CNTNAP3B: variants seen among roughly 807,000 people sequenced by gnomAD.
CNTNAP3B encodes contactin associated protein family member 3B.
In CNTNAP3B, 25 loss-of-function variants were observed where a neutral mutation model predicts 108.9. The observed-to-expected ratio is 0.23, with a 90% CI of 0.17 to 0.32. The LOEUF is 0.32. Ranked by LOEUF, CNTNAP3B falls within the 10% of genes least tolerant of loss-of-function variation. The pLI, the probability that CNTNAP3B is intolerant of heterozygous loss-of-function variation, is 1.00. For synonymous variants in CNTNAP3B, 103 were observed against 473.4 expected (o/e 0.22, Z 10.16); for missense variants, 252 against 1,210.4 (o/e 0.21, Z 11.75).
chr9:42,012,800 TTTTG>T lies in CNTNAP3B; in HGVS notation c.538+574_538+577del, dbSNP rs1826153505. ...CCACCAAATAATCTCACGGCCGGCTTTTTGTTTGTGTTATATTCATGTCGGCCCC... is the reference window on the plus strand; with the variant it reads ...CCACCAAATAATCTCACGGCCGGCTTTTTGTGTTATATTCATGTCGGCCCC... On this transcript the variant is annotated intron_variant, in intron 4 of 23. Coordinates refer to ENST00000377561, the MANE Select transcript of CNTNAP3B (RefSeq NM_001201380.3). 2.2e-5 allele frequency among the ~76,000 whole-genome samples: 2 copies of T among 92,988 alleles called. 1 individual carries two copies. Among genetic ancestry groups the T allele is most frequent in the South Asian group, 6.7e-4 (2 of 2,964 alleles). 61.0% of individuals were successfully genotyped at this position (92,988 alleles called of 152,430 possible). A position where few individuals can be genotyped will look rare whatever the true frequency, so the allele number is the denominator to read the frequency against.
intron 2 of CNTNAP3B, among the ~76,000 whole-genome samples, chr9:42,078,894 A>G (rs548865976): frequency 8.0e-3 from 1,206 of 151,506 alleles, no homozygotes; most frequent in Non-Finnish European, 0.013. Flanking sequence ...ACAGAATTCC[A>G]CGTACCCACT....
At position 42,086,200 on chromosome 9, in the gene CNTNAP3B, C is replaced by T. The variant is rs1231080892; in HGVS notation, c.197-9138G>A. Among the ~76,000 whole-genome samples, 3 of 142,754 alleles carry T rather than the reference C, an allele frequency of 2.1e-5. 1 individual carries two copies. Among genetic ancestry groups the T allele is most frequent in the Non-Finnish European group, 4.6e-5 (3 of 65,822 alleles). The allele number at this position is 142,754 out of a possible 152,430, so 93.7% of individuals were successfully genotyped here. A position where few individuals can be genotyped will look rare whatever the true frequency, so the allele number is the denominator to read the frequency against. The stretch of plus-strand genomic sequence containing the variant: ...GGGTCCCCCTTATAAAACCATCAGA[C>T]CTTGTGAGATTGATTCTCAACTACG... On this transcript the variant is annotated intron_variant, in intron 2 of 23. Coordinates refer to ENST00000377561, the MANE Select transcript of CNTNAP3B (RefSeq NM_001201380.3).
chr9:41,947,882 C>T (rs1193087579), intron 13 of CNTNAP3B, among the ~76,000 whole-genome samples: 2 of 152,182 alleles, frequency 1.3e-5, no homozygotes, highest in African/African-American at 4.8e-5. Context: ...TAAGAAAATA[C>T]TACAAATAAT....
intron 18 of CNTNAP3B, among the ~76,000 whole-genome samples, chr9:41,913,485 T>C (rs1328046099): frequency 6.6e-6 from 1 of 150,998 alleles, no homozygotes; most frequent in Non-Finnish European, 1.5e-5. Flanking sequence ...ACATTTTAAT[T>C]TCTTTCTTGA....
Position 41,967,405 on chromosome 9 carries a change from C to T in CNTNAP3B, c.1649+2669G>A, listed in dbSNP as rs543664875. The stretch of plus-strand genomic sequence containing the variant: ...AAGACGTGTCTTGTTTCTCCTTCAC[C>T]TTCTGCTATCATTGTGAGGTCTCCC... On this transcript the variant is annotated intron_variant, in intron 10 of 23. Coordinates refer to ENST00000377561, the MANE Select transcript of CNTNAP3B (RefSeq NM_001201380.3). Among the ~76,000 whole-genome samples, 97 of 151,310 alleles carry T rather than the reference C, an allele frequency of 6.4e-4. No homozygotes were observed. In the South Asian group the frequency reaches 0.02, roughly 31 times the overall value.
chr9:42,047,384 C>T (rs1826892907), intron 3 of CNTNAP3B, among the ~76,000 whole-genome samples: 1 of 133,492 alleles, frequency 7.5e-6, no homozygotes, highest in African/African-American at 3.0e-5. Context: ...AAGCTAAAAT[C>T]AGGAGGAAAA....
At chr9:41,952,944 G>T (rs1303010588) in intron 13 of CNTNAP3B, among the ~76,000 whole-genome samples, 1 of 152,124 alleles carries the variant, frequency 6.6e-6, no homozygotes, top group African/African-American at 2.4e-5. Flanking sequence ...CCTTGATTAA[G>T]AAAGGACAAG....
intron 2 of CNTNAP3B, among the ~76,000 whole-genome samples, chr9:42,081,232 G>C (rs1233013290): frequency 1.4e-5 from 2 of 141,026 alleles, no homozygotes; most frequent in Non-Finnish European, 3.1e-5. Context: ...AGGAACAGCA[G>C]ATGTTATTTT....
intron 15 of CNTNAP3B, among the ~76,000 whole-genome samples, chr9:41,927,903 T>TG (rs1407108716): frequency 8.0e-6 from 1 of 125,178 alleles, no homozygotes; most frequent in Non-Finnish European, 1.7e-5. Flanking sequence ...AAAAAATGTA[T>TG]GGGGGGCAAA....
intron 3 of CNTNAP3B, among the ~76,000 whole-genome samples, chr9:42,062,219 T>C (rs1827191655): frequency 3.4e-5 from 1 of 29,028 alleles, no homozygotes; most frequent in African/African-American, 1.3e-4. Context: ...TTTTTTTGTA[T>C]TTTTTTAGTA....
intron 9 of CNTNAP3B, chr9:41,979,944 CTTTTTTTTTTTTTTT>C (rs1214654461): frequency 2.4e-5 from 1 of 42,388 alleles, no homozygotes; most frequent in African/African-American, 1.4e-4. Context: ...TTGAGGAAAC[CTTTTTTTTTTTTTTT>C]TTTTTTTTTT....
At chr9:41,913,592 T>G (rs982126194) in intron 18 of CNTNAP3B, among the ~76,000 whole-genome samples, 1 of 140,818 alleles carries the variant, frequency 7.1e-6, no homozygotes, top group Admixed American at 7.0e-5. Flanking sequence ...ATTCACAATG[T>G]TGTGCAATTA....
At position 42,089,322 on chromosome 9, in the gene CNTNAP3B, A is replaced by C. The variant is rs945939452; in HGVS notation, c.197-12260T>G. Among the ~76,000 whole-genome samples, 122 of 112,378 alleles carry C rather than the reference A, an allele frequency of 1.1e-3. 12 individuals carry two copies. Among genetic ancestry groups the C allele is most frequent in the Admixed American group, 1.2e-3 (13 of 10,892 alleles). The allele number at this position is 112,378 out of a possible 152,430, so 73.7% of individuals were successfully genotyped here. On this transcript the variant is annotated intron_variant, in intron 2 of 23. Transcript: ENST00000377561. ...GAGATTGATACTCTTTATATTTTTA[A>C]ATTATTGCATACATTTTTATCAATT...
At chr9:41,933,611 G>A (rs907059667) in intron 14 of CNTNAP3B, among the ~76,000 whole-genome samples, 11 of 152,276 alleles carry the variant, frequency 7.2e-5, no homozygotes, top group African/African-American at 2.7e-4. Flanking sequence ...CCTCAATACT[G>A]ACTGACCATA....
chr9:41,934,989 G>A (rs1469507439), intron 14 of CNTNAP3B, among the ~76,000 whole-genome samples: 64 of 152,266 alleles, frequency 4.2e-4, no homozygotes, highest in African/African-American at 1.5e-3. Context: ...CATTATATTA[G>A]CAAAACAACT....
rs1360000559 is a variant in CNTNAP3B, at chr9:42,049,256, G to T, written c.390+27613C>A. ...ATCTTATTTAAACTCTGTGTTGACT[G>T]TACACCTCTAGATATTCCCAGATCT... On this transcript the variant is annotated intron_variant, in intron 3 of 23. Transcript: ENST00000377561. 1.4e-5 allele frequency among the ~76,000 whole-genome samples: 2 copies of T among 138,430 alleles called. 1 individual carries two copies. The highest frequency in any genetic ancestry group is 1.4e-4 in the Admixed American group (2 of 13,970). 90.8% of individuals were successfully genotyped at this position (138,430 alleles called of 152,430 possible). A position where few individuals can be genotyped will look rare whatever the true frequency, so the allele number is the denominator to read the frequency against.
intron 15 of CNTNAP3B, among the ~76,000 whole-genome samples, chr9:41,924,905 C>A (rs1400643332): frequency 1.3e-5 from 2 of 152,242 alleles, no homozygotes; most frequent in Non-Finnish European, 2.9e-5. Flanking sequence ...TGTTCCTCAA[C>A]TTGGATTTGT....
intron 3 of CNTNAP3B, among the ~76,000 whole-genome samples, chr9:42,054,861 T>C (rs1166940849): frequency 6.7e-6 from 1 of 149,816 alleles, no homozygotes; most frequent in African/African-American, 2.5e-5. Flanking sequence ...TTCTGTGCTA[T>C]ACCAAATGAC....
At chr9:42,107,951 G>A (rs1828114221) in intron 1 of CNTNAP3B, among the ~76,000 whole-genome samples, 1 of 120,052 alleles carries the variant, frequency 8.3e-6, no homozygotes, top group East Asian at 2.9e-4. Context: ...CTCTAGGCTG[G>A]GCGACAGAGA....
Sources: gnomAD v4.1 joint callset for allele counts (sites outside exome capture counted in the v4.1 genomes callset) on GRCh38, gnomAD v4.1.1 for gene constraint, MANE v1.5 for transcripts, NCBI Gene and HGNC (gene_info 2026-07-23, HGNC 2026-07-21) for gene names.